ITFG1: variants seen among roughly 807,000 people sequenced by gnomAD.
ITFG1 encodes the protein T-cell immunomodulatory protein.
Under a neutral mutation model 81.8 loss-of-function variants are expected in ITFG1, and 34 were observed. That is an observed-to-expected ratio of 0.42 (90% CI 0.32 to 0.55). The LOEUF (loss-of-function observed/expected upper bound fraction) is 0.55, where lower values mean the gene tolerates loss of function less well. ITFG1 is among the 20% of genes least tolerant of loss of function. ITFG1 has a pLI of 0.17. For synonymous variants in ITFG1, 285 were observed against 270.6 expected (o/e 1.05, Z -0.52); for missense variants, 672 against 755.4 (o/e 0.89, Z 1.29).
chr16:47,243,060 C>G (rs1485889203), intron 12 of ITFG1, among the ~76,000 whole-genome samples: 1 of 151,804 alleles, frequency 6.6e-6, no homozygotes, highest in Non-Finnish European at 1.5e-5. Flanking sequence ...AATAATTTAT[C>G]CTACAGGATA....
At chr16:47,271,224 G>A (rs1211047848) in intron 10 of ITFG1, among the ~76,000 whole-genome samples, 2 of 151,996 alleles carry the variant, frequency 1.3e-5, no homozygotes, top group Non-Finnish European at 2.9e-5. Context: ...ATATTTAATA[G>A]GGGACTTGTA....
chr16:47,404,334 T>C (rs1211048765), intron 6 of ITFG1, among the ~76,000 whole-genome samples: 1 of 152,146 alleles, frequency 6.6e-6, no homozygotes, highest in African/African-American at 2.4e-5. Context: ...ATAAATAAGG[T>C]ACATCTAAGT....
chr16:47,253,919 T>C (rs17738340), intron 12 of ITFG1, among the ~76,000 whole-genome samples: 36 of 152,242 alleles, frequency 2.4e-4, no homozygotes, highest in South Asian at 8.3e-4. Flanking sequence ...CGTTAGGGTG[T>C]GCTTTAACAA....
intron 8 of ITFG1, among the ~76,000 whole-genome samples, chr16:47,342,783 A>G (rs1348672153): frequency 1.3e-5 from 2 of 152,144 alleles, no homozygotes; most frequent in African/African-American, 4.8e-5. Context: ...CAAAACACCC[A>G]GGAGTAAATT....
chr16:47,402,184 C>G (rs890946628), intron 6 of ITFG1, among the ~76,000 whole-genome samples: 1 of 152,056 alleles, frequency 6.6e-6, no homozygotes, highest in Non-Finnish European at 1.5e-5. Context: ...ATAGTGTTTT[C>G]AAACTGAAGA....
intron 14 of ITFG1, among the ~76,000 whole-genome samples, chr16:47,172,356 C>T (rs1435383919): frequency 6.6e-6 from 1 of 152,062 alleles, no homozygotes; most frequent in East Asian, 1.9e-4. Context: ...GGCGTGGTGG[C>T]GCATGCCTGT....
chr16:47,335,924 G>GT (rs1317859512), intron 8 of ITFG1, among the ~76,000 whole-genome samples: 1 of 152,112 alleles, frequency 6.6e-6, no homozygotes, highest in African/African-American at 2.4e-5. Flanking sequence ...GTTCACAGCA[G>GT]TATTATTCCT....
At chr16:47,319,215 A>G (rs899669275) in intron 8 of ITFG1, among the ~76,000 whole-genome samples, 1 of 152,184 alleles carries the variant, frequency 6.6e-6, no homozygotes, top group East Asian at 1.9e-4. Flanking sequence ...CTATCACTAC[A>G]ATCTCATCAC....
At chr16:47,390,336 T>G (rs1378404121) in intron 6 of ITFG1, among the ~76,000 whole-genome samples, 1 of 152,196 alleles carries the variant, frequency 6.6e-6, no homozygotes, top group Non-Finnish European at 1.5e-5. Context: ...TTGCTCTTTA[T>G]TTGGTAATGA....
At chr16:47,201,275 C>G (rs1965422121) in intron 14 of ITFG1, among the ~76,000 whole-genome samples, 1 of 145,798 alleles carries the variant, frequency 6.9e-6, no homozygotes, top group Non-Finnish European at 1.5e-5. Context: ...GTGGTGAGAT[C>G]TTGGCTCACT....
At chr16:47,355,823 C>G (rs1968032614) in intron 8 of ITFG1, among the ~76,000 whole-genome samples, 1 of 151,686 alleles carries the variant, frequency 6.6e-6, no homozygotes, top group South Asian at 2.1e-4. Flanking sequence ...TATAGATATA[C>G]ATAATCATAT....
intron 8 of ITFG1, among the ~76,000 whole-genome samples, chr16:47,323,475 G>A (rs538647635): frequency 6.6e-6 from 1 of 150,882 alleles, no homozygotes; most frequent in South Asian, 2.1e-4. Context: ...TATCAGATGT[G>A]GCTATTATCA....
In ITFG1 at chr16:47,407,011, T is replaced by C. The variant is rs536056862; in HGVS notation, c.655+21793A>G. On this transcript the variant is annotated intron_variant, in intron 6 of 17. Transcript: ENST00000320640. Reference sequence around the variant, plus strand: ...TAGCTCAAGGCATCAAGCGGGAAAATAGAATGGAAGGTCGAGGAGATAATG... The same window carrying C: ...TAGCTCAAGGCATCAAGCGGGAAAACAGAATGGAAGGTCGAGGAGATAATG... Among the ~76,000 whole-genome samples the C allele has an allele frequency of 1.2e-3, 175 of 152,032 alleles. 1 individual carries two copies. Among genetic ancestry groups the C allele is most frequent in the Admixed American group, 2.6e-3 (39 of 15,264 alleles).
intron 10 of ITFG1, among the ~76,000 whole-genome samples, chr16:47,301,558 G>A (rs924601233): frequency 6.6e-6 from 1 of 151,908 alleles, no homozygotes; most frequent in Non-Finnish European, 1.5e-5. Context: ...CACCATGCCA[G>A]CTAATTTTTG....
chr16:47,289,765 G>A (rs569041892), intron 10 of ITFG1, among the ~76,000 whole-genome samples: 1 of 151,322 alleles, frequency 6.6e-6, no homozygotes, highest in African/African-American at 2.4e-5. Context: ...TCTAGCTATT[G>A]GTAAATTTAT....
chr16:47,255,092 AG>A (rs1269637325), intron 12 of ITFG1, among the ~76,000 whole-genome samples: 3 of 152,256 alleles, frequency 2.0e-5, no homozygotes, highest in African/African-American at 7.2e-5. Flanking sequence ...GTCTCAAAAA[AG>A]TTTATTGAAG....
At chr16:47,396,533 T>C (rs1381135411) in intron 6 of ITFG1, among the ~76,000 whole-genome samples, 4 of 151,984 alleles carry the variant, frequency 2.6e-5, no homozygotes. Flanking sequence ...TTTGTGTGTG[T>C]GTGTGTGTGT....
chr16:47,271,656 G>T (rs1266615088), intron 10 of ITFG1, among the ~76,000 whole-genome samples: 1 of 152,160 alleles, frequency 6.6e-6, no homozygotes, highest in African/African-American at 2.4e-5. Context: ...TCAGGAGATT[G>T]AGACCATCTG....
At chr16:47,271,196 G>A (rs1000312453) in intron 10 of ITFG1, among the ~76,000 whole-genome samples, 4 of 151,972 alleles carry the variant, frequency 2.6e-5, no homozygotes, top group African/African-American at 9.7e-5. Context: ...CAGAAAGGGA[G>A]AAAATTTTTG....
Sources: gnomAD v4.1 joint callset for allele counts (sites outside exome capture counted in the v4.1 genomes callset) on GRCh38, gnomAD v4.1.1 for gene constraint, MANE v1.5 for transcripts, NCBI Gene and HGNC (gene_info 2026-07-23, HGNC 2026-07-21) for gene names.